Variants in CCDC91 observed in about 807,000 individuals in gnomAD.
The protein encoded by CCDC91 is coiled-coil domain-containing protein 91.
A neutral mutation model predicts 63.2 loss-of-function variants in CCDC91; 48 were observed. That is an observed-to-expected ratio of 0.76 (90% CI 0.60 to 0.97). The LOEUF is 0.97. Ranked by LOEUF, CCDC91 falls within the 50% of genes least tolerant of loss-of-function variation. CCDC91 has a pLI of 0.00. For missense variants in CCDC91, 500 were observed against 494.6 expected, an observed-to-expected ratio of 1.01 and a Z score of -0.10; for synonymous variants, 167 against 165.8, an observed-to-expected ratio of 1.01 and a Z score of -0.06.
chr12:28,508,515 A>T (rs1354007847), intron 12 of CCDC91, among the ~76,000 whole-genome samples: 3 of 151,874 alleles, frequency 2.0e-5, no homozygotes, highest in Non-Finnish European at 4.4e-5. Flanking sequence ...ACCCTACTGG[A>T]TCACTTGGAT....
At chr12:28,431,591 T>C (rs1728071158) in intron 8 of CCDC91, among the ~76,000 whole-genome samples, 1 of 152,112 alleles carries the variant, frequency 6.6e-6, no homozygotes, top group Admixed American at 6.6e-5. Context: ...ATATCTCTTA[T>C]AAGCAGGTTC....
intron 3 of CCDC91, among the ~76,000 whole-genome samples, chr12:28,283,485 A>G (rs1948729855): frequency 6.6e-6 from 1 of 151,718 alleles, no homozygotes; most frequent in African/African-American, 2.4e-5. Flanking sequence ...AATGGGATTG[A>G]GTTCTTGATT....
At chr12:28,315,074 G>A (rs1402415635) in intron 6 of CCDC91, among the ~76,000 whole-genome samples, 1 of 151,672 alleles carries the variant, frequency 6.6e-6, no homozygotes, top group African/African-American at 2.4e-5. Flanking sequence ...GTGTAGAAAA[G>A]TTTATTCAAA....
At chr12:28,215,805 A>G (rs564619913) in intron 1 of CCDC91, among the ~76,000 whole-genome samples, 18 of 152,268 alleles carry the variant, frequency 1.2e-4, no homozygotes, top group South Asian at 2.1e-4. Context: ...TGTGGCTTCA[A>G]TATATTTGGT....
rs149706537 is a variant in CCDC91 at position 28,342,375 on chromosome 12, C to A, written c.577-20063C>A. Among the ~76,000 whole-genome samples the A allele has an allele frequency of 9.2e-5, 14 of 152,170 alleles. No individual in the cohort carries two copies. In the East Asian group the frequency reaches 2.5e-3, roughly 27 times the overall value. ...AGTTTATAGTAATTTGTTATGACAG[C>A]AATGGAAAACTAATATAGTAGGCCA... On this transcript the variant is annotated intron_variant, in intron 6 of 12. Coordinates refer to ENST00000536442, the MANE Select transcript of CCDC91 (RefSeq NM_018318.5).
chr12:28,513,352 A>C (rs1377861231), intron 12 of CCDC91, among the ~76,000 whole-genome samples: 14 of 151,794 alleles, frequency 9.2e-5, no homozygotes, highest in African/African-American at 3.4e-4. Context: ...TTTTACTGTC[A>C]TTTTTTTAGA....
intron 1 of CCDC91, among the ~76,000 whole-genome samples, chr12:28,246,732 G>A (rs1945763421): frequency 6.6e-6 from 1 of 152,142 alleles, no homozygotes; most frequent in South Asian, 2.1e-4. Flanking sequence ...AGAGATCCAA[G>A]CCACAAAGAT....
intron 8 of CCDC91, among the ~76,000 whole-genome samples, chr12:28,449,529 G>T (rs1949696751): frequency 2.0e-5 from 3 of 152,038 alleles, no homozygotes; most frequent in Admixed American, 2.0e-4. Context: ...TTGGTCCATG[G>T]TAACTGGTTG....
At position 28,460,354 on chromosome 12, in the gene CCDC91, G is replaced by T. The variant is rs138430059; in HGVS notation, c.1101+7700G>T. ...TTTTCCCCTCAAGTCAATTTGTGCT[G>T]AATTTTCTGTTACTTGTGATCAAAA... is the stretch of plus-strand genomic sequence containing the variant. On this transcript the variant is annotated intron_variant, in intron 11 of 12. Coordinates refer to ENST00000536442, the MANE Select transcript of CCDC91 (RefSeq NM_018318.5). 2.2e-3 allele frequency among the ~76,000 whole-genome samples: 336 copies of T among 152,132 alleles called. 5 individuals carry two copies. Among genetic ancestry groups the T allele is most frequent in the African/African-American group, 7.6e-3 (315 of 41,510 alleles).
Position 28,550,086 on chromosome 12 carries a change from AT to A in CCDC91, c.*917del, listed in dbSNP as rs1322925240. 6.6e-6 allele frequency: 1 copy of A among 152,232 alleles called. No individual in the cohort carries two copies. Among genetic ancestry groups the A allele is most frequent in the Non-Finnish European group, 1.5e-5 (1 of 67,924 alleles). The allele number at this position is 152,232 out of a possible 1,614,324, so 9.4% of individuals were successfully genotyped here. On this transcript the variant is annotated 3_prime_UTR_variant, in exon 13 of 13. Transcript: ENST00000536442. The stretch of plus-strand genomic sequence containing the variant: ...TGTATGTATGCAAATGTTTTATCTT[AT>A]TTTCTGAAATGCATCTACTTTCATG...
At chr12:28,274,018 T>A (rs537418392) in intron 3 of CCDC91, among the ~76,000 whole-genome samples, 1 of 152,330 alleles carries the variant, frequency 6.6e-6, no homozygotes, top group South Asian at 2.1e-4. Flanking sequence ...AATTTTTGTA[T>A]AAGGTGTAAG....
intron 12 of CCDC91, among the ~76,000 whole-genome samples, chr12:28,502,537 C>CAT (rs1021739419): frequency 3.9e-4 from 59 of 150,084 alleles, no homozygotes; most frequent in Non-Finnish European, 6.0e-4. Context: ...AATGCCATCC[C>CAT]CATCAAGCTA....
chr12:28,413,274 A>C (rs2139753911), intron 8 of CCDC91, among the ~76,000 whole-genome samples: 1 of 152,218 alleles, frequency 6.6e-6, no homozygotes, highest in South Asian at 2.1e-4. Flanking sequence ...GGTCCTTTCC[A>C]ACTAAGAGCC....
At chr12:28,245,567 A>C (rs890210476) in intron 1 of CCDC91, among the ~76,000 whole-genome samples, 16 of 152,214 alleles carry the variant, frequency 1.1e-4, no homozygotes, top group South Asian at 2.1e-4. Context: ...AAACTAGAAG[A>C]TGTTTGCAAT....
intron 7 of CCDC91, among the ~76,000 whole-genome samples, chr12:28,377,778 A>C (rs1945040666): frequency 1.3e-5 from 2 of 151,964 alleles, no homozygotes; most frequent in Admixed American, 1.3e-4. Flanking sequence ...AGCTAGACAT[A>C]CAGACACACA....
At chr12:28,478,114 T>G (rs1361089516) in intron 11 of CCDC91, among the ~76,000 whole-genome samples, 1 of 152,172 alleles carries the variant, frequency 6.6e-6, no homozygotes, top group African/African-American at 2.4e-5. Flanking sequence ...GGAACTACTT[T>G]AAAGTTCATA....
chr12:28,473,326 A>G (rs1327116635), intron 11 of CCDC91, among the ~76,000 whole-genome samples: 1 of 152,230 alleles, frequency 6.6e-6, no homozygotes, highest in African/African-American at 2.4e-5. Flanking sequence ...TAGAACTGAC[A>G]ATGGCCTAGT....
At position 28,519,750 on chromosome 12, in the gene CCDC91, T is replaced by C. The variant is rs1210239851; in HGVS notation, c.1216-29313T>C. ...CCACCCCACAACAGGCCCCGGTGTG[T>C]GATGTTCCCCTTCCTGTGTCCAAGT... On this transcript the variant is annotated intron_variant, in intron 12 of 12. Transcript: ENST00000536442. Among the ~76,000 whole-genome samples, 173 of 121,414 alleles carry C rather than the reference T, an allele frequency of 1.4e-3. 1 individual carries two copies. The highest frequency in any genetic ancestry group is 5.4e-3 in the African/African-American group (169 of 31,212). 79.7% of individuals were successfully genotyped at this position (121,414 alleles called of 152,430 possible). A position where few individuals can be genotyped will look rare whatever the true frequency, so the allele number is the denominator to read the frequency against.
At chr12:28,493,463 G>T (rs570940000) in intron 12 of CCDC91, among the ~76,000 whole-genome samples, 152 of 151,700 alleles carry the variant, frequency 1.0e-3, no homozygotes, top group African/African-American at 3.5e-3. Context: ...TAGAACTTTG[G>T]TCACATGTGT....
Sources: allele counts gnomAD v4.1 joint callset (sites outside exome capture counted in the v4.1 genomes callset), GRCh38; gene constraint gnomAD v4.1.1; transcripts MANE v1.5; gene names NCBI Gene and HGNC (gene_info 2026-07-23, HGNC 2026-07-21).